The following BLTP1 variants were observed in gnomAD, a reference collection of about 807,000 sequenced individuals.
The protein encoded by BLTP1 is fragile site-associated protein.
chr4:122,263,134 T>C, the BLTP1 span: 2 of 1,403,324 alleles, frequency 1.4e-6, no homozygotes, highest in Non-Finnish European at 1.9e-6. Context: ...TCCATTGTTC[T>C]GTTTGTAACT....
At chr4:122,166,076 A>C in the BLTP1 span, among the ~76,000 whole-genome samples, 1 of 152,022 alleles carries the variant, frequency 6.6e-6, no homozygotes, top group Non-Finnish European at 1.5e-5. Flanking sequence ...TCTTTAGTTT[A>C]ATTAGATCCC....
the BLTP1 span, among the ~76,000 whole-genome samples, chr4:122,187,684 A>T: frequency 6.6e-6 from 1 of 152,152 alleles, no homozygotes; most frequent in Non-Finnish European, 1.5e-5. Flanking sequence ...GTTTTCTGAT[A>T]AATTTGTGTT....
At chr4:122,362,433 T>A in the BLTP1 span, 1 of 452,672 alleles carries the variant, frequency 2.2e-6, no homozygotes, top group Admixed American at 3.9e-5. Flanking sequence ...TGCATGATAA[T>A]GTAAATTTTG....
chr4:122,286,931 GTGTGTGTGTGGGTGTA>G, the BLTP1 span: 2 of 679,448 alleles, frequency 2.9e-6, no homozygotes, highest in South Asian at 4.1e-5. Flanking sequence ...CAAATCAAGT[GTGTGTGTGTGGGTGTA>G]TGTGTGTTTT....
chr4:122,246,789 C>A, the BLTP1 span: 2 of 1,612,904 alleles, frequency 1.2e-6, no homozygotes, highest in Non-Finnish European at 1.7e-6. Flanking sequence ...GACAGAATTG[C>A]TACACAGGTT....
At chr4:122,284,442 A>G in the BLTP1 span, among the ~76,000 whole-genome samples, 1 of 152,186 alleles carries the variant, frequency 6.6e-6, no homozygotes, top group Non-Finnish European at 1.5e-5. Flanking sequence ...GTTTCTATGA[A>G]GAATTATTGG....
At chr4:122,292,498 T>C in the BLTP1 span, 1 of 842,364 alleles carries the variant, frequency 1.2e-6, no homozygotes, top group Non-Finnish European at 1.4e-6. Flanking sequence ...TTTAGCAAAA[T>C]GATTTAAGAG....
At chr4:122,249,482 T>C in the BLTP1 span, 7 of 1,611,364 alleles carry the variant, frequency 4.3e-6, no homozygotes, top group African/African-American at 1.3e-5. Context: ...CTTTTGATAA[T>C]AGACATTGGG....
the BLTP1 span, among the ~76,000 whole-genome samples, chr4:122,318,485 A>G: frequency 2.0e-5 from 3 of 152,236 alleles, no homozygotes; most frequent in South Asian, 4.1e-4. Flanking sequence ...TTATACAGCT[A>G]GTAATCCTGG....
chr4:122,267,201 A>G, the BLTP1 span, among the ~76,000 whole-genome samples: 1 of 151,256 alleles, frequency 6.6e-6, no homozygotes, highest in African/African-American at 2.4e-5. Flanking sequence ...CGGGACCACA[A>G]GCGCCTGCCA....
At chr4:122,346,813 A>G in the BLTP1 span, 2 of 1,586,116 alleles carry the variant, frequency 1.3e-6, no homozygotes, top group Non-Finnish European at 1.7e-6. Flanking sequence ...AAGACCTACA[A>G]TTGATAACAC....
chr4:122,288,350 T>C, the BLTP1 span, among the ~76,000 whole-genome samples: 1 of 152,132 alleles, frequency 6.6e-6, no homozygotes, highest in African/African-American at 2.4e-5. Flanking sequence ...ACATGGTACA[T>C]AGAGTAGACA....
the BLTP1 span, chr4:122,183,149 A>G: frequency 2.2e-6 from 1 of 463,920 alleles, no homozygotes; most frequent in Non-Finnish European, 2.8e-6. Flanking sequence ...CAACCTGGAT[A>G]ACATAGTGAA....
At chr4:122,196,515 G>A in the BLTP1 span, 19 of 747,278 alleles carry the variant, frequency 2.5e-5, no homozygotes, top group Non-Finnish European at 4.1e-5. Context: ...ACAGAAAACA[G>A]TCTAATTGTC....
chr4:122,329,884 C>T, the BLTP1 span, among the ~76,000 whole-genome samples: 11 of 151,646 alleles, frequency 7.3e-5, no homozygotes, highest in Non-Finnish European at 1.5e-4. Flanking sequence ...GGCCAACCTC[C>T]CCCAGACCCT....
chr4:122,274,024 CAGTA>C, the BLTP1 span, among the ~76,000 whole-genome samples: 1 of 151,928 alleles, frequency 6.6e-6, no homozygotes, highest in African/African-American at 2.4e-5. Context: ...AACTTTTCTG[CAGTA>C]AGTATTATTT....
the BLTP1 span, among the ~76,000 whole-genome samples, chr4:122,312,005 A>G: frequency 1.2e-3 from 181 of 152,200 alleles, 1 homozygote; most frequent in African/African-American, 4.3e-3. Context: ...TCTATATTCT[A>G]TGAGTTTATA....
chr4:122,260,877 A>G, the BLTP1 span, among the ~76,000 whole-genome samples: 2 of 152,176 alleles, frequency 1.3e-5, no homozygotes, highest in Non-Finnish European at 2.9e-5. Context: ...GATGCATACT[A>G]TGAAATCTTT....
chr4:122,263,412 A>G, the BLTP1 span: 1 of 1,550,156 alleles, frequency 6.5e-7, no homozygotes, highest in South Asian at 1.2e-5. Context: ...TATATAAATA[A>G]TATTATACTC....
Sources: gnomAD v4.1 joint callset for allele counts (sites outside exome capture counted in the v4.1 genomes callset) on GRCh38, gnomAD v4.1.1 for gene constraint, MANE v1.5 for transcripts, NCBI Gene and HGNC (gene_info 2026-07-23, HGNC 2026-07-21) for gene names.